The following DLG2 variants were observed in gnomAD, a reference collection of about 807,000 sequenced individuals.
The protein encoded by DLG2 is discs large MAGUK scaffold protein 2, also known as disks large homolog 2.
Under a neutral mutation model 132.5 loss-of-function variants are expected in DLG2, and 45 were observed. The ratio of observed to expected loss-of-function variants is 0.34; its 90% CI spans 0.27 to 0.44. The LOEUF is 0.44. Ranked by LOEUF, DLG2 falls within the 20% of genes least tolerant of loss-of-function variation. DLG2 has a pLI of 1.00. For missense variants in DLG2, 1,045 were observed against 1,196.9 expected, an observed-to-expected ratio of 0.87 and a Z score of 1.87; for synonymous variants, 424 against 419.6, an observed-to-expected ratio of 1.01 and a Z score of -0.13.
intron 3 of DLG2, among the ~76,000 whole-genome samples, chr11:85,347,308 C>T (rs533224682): frequency 1.5e-4 from 23 of 152,176 alleles, no homozygotes; most frequent in African/African-American, 4.8e-4. Context: ...ATTTTCTAAT[C>T]TGGCCAAGAA....
chr11:83,526,826 C>T (rs1255835595), intron 21 of DLG2, among the ~76,000 whole-genome samples: 7 of 152,110 alleles, frequency 4.6e-5, no homozygotes, highest in Admixed American at 2.0e-4. Flanking sequence ...AATCCTTCAA[C>T]GCCCCCTAAT....
chr11:84,042,116 T>G (rs1019157374), intron 11 of DLG2, among the ~76,000 whole-genome samples: 2 of 151,964 alleles, frequency 1.3e-5, no homozygotes, highest in Non-Finnish European at 2.9e-5. Context: ...CTTGTACAGA[T>G]GTAGGTTGTG....
intron 6 of DLG2, among the ~76,000 whole-genome samples, chr11:84,632,113 A>T (rs1015534674): frequency 1.2e-4 from 19 of 152,292 alleles, no homozygotes; most frequent in African/African-American, 4.6e-4. Flanking sequence ...CCACCATCAG[A>T]CCTGAATACC....
At chr11:85,596,079 C>G (rs2079735676) in intron 3 of DLG2, among the ~76,000 whole-genome samples, 1 of 151,872 alleles carries the variant, frequency 6.6e-6, no homozygotes, top group Non-Finnish European at 1.5e-5. Context: ...ATAGCGAGAC[C>G]CCATCGCTAC....
intron 2 of DLG2, among the ~76,000 whole-genome samples, chr11:85,601,629 G>A (rs1256987035): frequency 2.0e-5 from 3 of 152,092 alleles, no homozygotes; most frequent in Non-Finnish European, 4.4e-5. Context: ...GTCAGCCACC[G>A]TGCCAGGCTT....
chr11:84,331,632 C>G (rs1436446702), intron 7 of DLG2, among the ~76,000 whole-genome samples: 1 of 151,288 alleles, frequency 6.6e-6, no homozygotes, highest in Non-Finnish European at 1.5e-5. Context: ...GAAACAAATT[C>G]TAATTTTATA....
chr11:85,373,100 G>A (rs2085117516), intron 3 of DLG2, among the ~76,000 whole-genome samples: 1 of 152,082 alleles, frequency 6.6e-6, no homozygotes, highest in Admixed American at 6.6e-5. Flanking sequence ...ACCTTAAACT[G>A]GTCGACCTAG....
At chr11:83,748,489 C>T (rs2093074430) in intron 18 of DLG2, among the ~76,000 whole-genome samples, 1 of 152,076 alleles carries the variant, frequency 6.6e-6, no homozygotes, top group South Asian at 2.1e-4. Context: ...TTTAATGGTC[C>T]CACTTCCTAC....
At chr11:85,135,531 T>C (rs1381348387) in intron 5 of DLG2, among the ~76,000 whole-genome samples, 1 of 152,210 alleles carries the variant, frequency 6.6e-6, no homozygotes, top group East Asian at 1.9e-4. Context: ...TGATTAGTCT[T>C]CTAACGTTGG....
chr11:85,299,577 A>T (rs969019918), intron 3 of DLG2, among the ~76,000 whole-genome samples: 6 of 152,114 alleles, frequency 3.9e-5, no homozygotes, highest in Non-Finnish European at 5.9e-5. Context: ...TCATTGGAAT[A>T]TATGTTTTAT....
rs1283195644 is a variant in DLG2 at position 83,564,628 on chromosome 11, T to C, written c.1941-22770A>G. ...AGGGATCTAACCCTCCATCCACTGA[T>C]AAAATTCTTTTAAGAAAGTTATATG... On this transcript the variant is annotated intron_variant, in intron 19 of 27. Coordinates refer to ENST00000376104, the MANE Select transcript of DLG2 (RefSeq NM_001142699.3). 2.6e-5 allele frequency among the ~76,000 whole-genome samples: 4 copies of C among 152,228 alleles called. No individual in the cohort carries two copies. The South Asian group carries it at 8.3e-4, about 32-fold the overall frequency.
chr11:84,912,202 C>T (rs1420470044), intron 6 of DLG2, among the ~76,000 whole-genome samples: 1 of 152,154 alleles, frequency 6.6e-6, no homozygotes, highest in African/African-American at 2.4e-5. Context: ...CAGGCTGGAG[C>T]ACAGCGGCGC....
intron 6 of DLG2, among the ~76,000 whole-genome samples, chr11:85,053,632 C>CAAAAAAAAAAAAAAAAA (rs574119257): frequency 1.1e-5 from 1 of 91,178 alleles, no homozygotes; most frequent in Non-Finnish European, 2.1e-5. Context: ...ACTAAAAATA[C>CAAAAAAAAAAAAAAAAA]AAAAAAAAAA....
chr11:83,999,461 C>T (rs2094221398), intron 11 of DLG2, among the ~76,000 whole-genome samples: 1 of 152,074 alleles, frequency 6.6e-6, no homozygotes, highest in African/African-American at 2.4e-5. Context: ...TTGTCCATGC[C>T]ATGCCAAGTT....
intron 17 of DLG2, among the ~76,000 whole-genome samples, chr11:83,791,751 T>C (rs1320820233): frequency 1.3e-5 from 2 of 152,184 alleles, no homozygotes; most frequent in African/African-American, 4.8e-5. Context: ...TTGGGCAACA[T>C]AGGGAAGAGC....
intron 15 of DLG2, among the ~76,000 whole-genome samples, chr11:83,884,198 G>C (rs2067119902): frequency 6.6e-6 from 1 of 152,226 alleles, no homozygotes; most frequent in Non-Finnish European, 1.5e-5. Flanking sequence ...GTCAAAGAAA[G>C]GGGTGACAGA....
At chr11:85,003,517 T>G (rs1566623140) in intron 6 of DLG2, among the ~76,000 whole-genome samples, 1 of 152,170 alleles carries the variant, frequency 6.6e-6, no homozygotes, top group Non-Finnish European at 1.5e-5. Context: ...ATATGGAACT[T>G]AAGTCATTTA....
intron 6 of DLG2, among the ~76,000 whole-genome samples, chr11:84,845,088 G>C (rs937986761): frequency 1.3e-5 from 2 of 152,000 alleles, no homozygotes; most frequent in Admixed American, 6.6e-5. Context: ...ATATGCCTAA[G>C]GGTTAACCAC....
chr11:84,625,699 G>A (rs561556558), intron 6 of DLG2, among the ~76,000 whole-genome samples: 30 of 152,170 alleles, frequency 2.0e-4, no homozygotes, highest in African/African-American at 6.7e-4. Context: ...TAAAAATATC[G>A]GTATGATGAA....
Sources: gnomAD v4.1 joint callset for allele counts (sites outside exome capture counted in the v4.1 genomes callset) on GRCh38, gnomAD v4.1.1 for gene constraint, MANE v1.5 for transcripts, NCBI Gene and HGNC (gene_info 2026-07-23, HGNC 2026-07-21) for gene names.